The following WNT9A variants were observed in gnomAD, a reference collection of about 807,000 sequenced individuals.
WNT9A encodes the protein Wnt family member 9A.
Under a neutral mutation model 31.4 loss-of-function variants are expected in WNT9A, and 8 were observed. The observed-to-expected ratio is 0.26, with a 90% confidence interval of 0.15 to 0.46. The LOEUF is 0.46. Among genes scored for constraint, WNT9A ranks in the 20% least tolerant of loss-of-function variants. WNT9A has a pLI of 0.99. For synonymous variants in WNT9A, 236 were observed against 220.1 expected, an observed-to-expected ratio of 1.07 and a Z score of -0.64; for missense variants, 457 against 522.9, an observed-to-expected ratio of 0.87 and a Z score of 1.23.
chr1:227,941,892 GGC>G (rs1666713701), intron 1 of WNT9A, among the ~76,000 whole-genome samples: 1 of 152,102 alleles, frequency 6.6e-6, no homozygotes, highest in African/African-American at 2.4e-5. Flanking sequence ...GGGATCAGGT[GGC>G]GCGACCGAGG....
At position 227,921,708 on chromosome 1, in the gene WNT9A, C is replaced by T. The variant is rs779949422; in HGVS notation, c.908G>A (p.Arg303His). 5.6e-6 allele frequency: 9 copies of T among 1,612,560 alleles called. No individual in the cohort carries two copies. Among genetic ancestry groups the T allele is most frequent in the Middle Eastern group, 1.6e-4 (1 of 6,084 alleles). ...DDSPSFCLAG[R>H]FSPGTAGRRC... ...ACGGCCAGCGGTGCCCGGGGAGAAG[C>T]GGCCAGCCAGGCAGAAGCTAGGCGA... Residue 303 changes from arginine (R) to histidine (H), a missense_variant, in exon 4 of 4, where the codon CGC (arginine) becomes CAC (histidine). By Grantham distance (29) the Arg-to-His change is conservative. Coordinates refer to ENST00000272164, the MANE Select transcript of WNT9A (RefSeq NM_003395.4).
rs776780904 is a variant in WNT9A, at chr1:227,926,974, G to A, written c.96-1455C>T. 2.0e-4 allele frequency among the ~76,000 whole-genome samples: 31 copies of A among 152,066 alleles called. No homozygotes were observed. Among genetic ancestry groups the A allele is most frequent in the Non-Finnish European group, 3.5e-4 (24 of 68,004 alleles). On this transcript the variant is annotated intron_variant, in intron 1 of 3. Coordinates refer to ENST00000272164, the MANE Select transcript of WNT9A (RefSeq NM_003395.4). The surrounding 1 kb of genome is among the most constrained non-coding windows in gnomAD (Gnocchi z 5.0). ...GGGCCACAGGCGCAGGCCACAGAAGGAGCAGGTAGTGGCCCCAGGAAGGAT... is the reference window on the plus strand; with the variant it reads ...GGGCCACAGGCGCAGGCCACAGAAGAAGCAGGTAGTGGCCCCAGGAAGGAT...
At chr1:227,944,054 C>A (rs1435396474) in intron 1 of WNT9A, among the ~76,000 whole-genome samples, 1 of 151,702 alleles carries the variant, frequency 6.6e-6, no homozygotes, top group Non-Finnish European at 1.5e-5. Context: ...GAACTGAAAA[C>A]ACACACACAC....
In WNT9A at chr1:227,925,615, T is replaced by C. The variant is rs1666409212; in HGVS notation, c.96-96A>G. 1 of 1,416,816 alleles carries C rather than the reference T, an allele frequency of 7.1e-7. No individual in the cohort carries two copies. Among genetic ancestry groups the C allele is most frequent in the East Asian group, 2.6e-5 (1 of 38,710 alleles). The allele number at this position is 1,416,816 out of a possible 1,614,324, so 87.8% of individuals were successfully genotyped here. On this transcript the variant is annotated intron_variant, in intron 1 of 3. Transcript: ENST00000272164. This position sits in a 1 kb window ranked among gnomAD's most constrained non-coding sequence, Gnocchi z 6.0. ...GGCCAGGGTACAGGGGACAGGCGTG[T>C]CCATCCGGGGGTGAGGGGGCAGAAA...
chr1:227,939,845 G>T (rs1378438457), intron 1 of WNT9A, among the ~76,000 whole-genome samples: 2 of 152,200 alleles, frequency 1.3e-5, no homozygotes, highest in East Asian at 3.9e-4. Flanking sequence ...GAGAAACCGG[G>T]GCTGAGATCA....
Position 227,921,380 on chromosome 1 carries a change from A to C in WNT9A, c.*138T>G. ...ACTCAGCCCATGCAGGTGTAGACCCATTCACACTGTGTGCAATGCCTGTAC... is the reference window on the plus strand; with the variant it reads ...ACTCAGCCCATGCAGGTGTAGACCCCTTCACACTGTGTGCAATGCCTGTAC... On this transcript the variant is annotated 3_prime_UTR_variant, in exon 4 of 4. Transcript: ENST00000272164. 1 of 1,378,900 alleles carries C rather than the reference A, an allele frequency of 7.3e-7. No individual in the cohort carries two copies. Among genetic ancestry groups the C allele is most frequent in the Non-Finnish European group, 9.8e-7 (1 of 1,022,130 alleles). The allele number at this position is 1,378,900 out of a possible 1,614,324, so 85.4% of individuals were successfully genotyped here. A position where few individuals can be genotyped will look rare whatever the true frequency, so the allele number is the denominator to read the frequency against.
intron 1 of WNT9A, among the ~76,000 whole-genome samples, chr1:227,929,826 G>C (rs1660286672): frequency 1.3e-5 from 2 of 152,054 alleles, no homozygotes; most frequent in South Asian, 4.2e-4. Flanking sequence ...AAATAAAAGG[G>C]ACCCTAGAGA....
intron 3 of WNT9A, among the ~76,000 whole-genome samples, chr1:227,922,517 A>G (rs1202075359): frequency 6.6e-6 from 1 of 151,952 alleles, no homozygotes; most frequent in Non-Finnish European, 1.5e-5. Context: ...CCCCCAACCC[A>G]CCGGTGCTGA....
rs139988605 is a variant in WNT9A at position 227,919,156 on chromosome 1, C to T, written c.*2362G>A. The T allele has an allele frequency of 6.6e-6, 1 of 152,368 alleles. No individual in the cohort carries two copies. The highest frequency in any genetic ancestry group is 2.4e-5 in the African/African-American group (1 of 41,596). 9.4% of individuals were successfully genotyped at this position (152,368 alleles called of 1,614,324 possible). On this transcript the variant is annotated 3_prime_UTR_variant, in exon 4 of 4. Coordinates refer to ENST00000272164, the MANE Select transcript of WNT9A (RefSeq NM_003395.4). ...TTTGATTAAAAATAAAAACCTTCCT[C>T]TGACTTGACGCCCTTCATAGACCCA...
At chr1:227,939,017 C>T (rs1240541280) in intron 1 of WNT9A, among the ~76,000 whole-genome samples, 2 of 152,184 alleles carry the variant, frequency 1.3e-5, no homozygotes, top group Admixed American at 6.5e-5. Context: ...CGGATGACGA[C>T]GGCTCCACGG....
chr1:227,929,547 C>T (rs1219745953), intron 1 of WNT9A, among the ~76,000 whole-genome samples: 7 of 152,222 alleles, frequency 4.6e-5, no homozygotes, highest in Admixed American at 3.3e-4. Flanking sequence ...TCCTTACGGA[C>T]CCCAGGCTGG....
chr1:227,935,491 C>T (rs1666580434), intron 1 of WNT9A, among the ~76,000 whole-genome samples: 1 of 152,232 alleles, frequency 6.6e-6, no homozygotes, highest in Non-Finnish European at 1.5e-5. Flanking sequence ...TCGAGATTCC[C>T]TCTGTGCCCT....
rs12022403 is a variant in WNT9A, at chr1:227,919,692, C to T, written c.*1826G>A. On this transcript the variant is annotated 3_prime_UTR_variant, in exon 4 of 4. Transcript: ENST00000272164. ...CAAGCTGACCATGCCAGTATACACACACACACACACACACACACACACACA... is the reference window on the plus strand; with the variant it reads ...CAAGCTGACCATGCCAGTATACACATACACACACACACACACACACACACA... 318 of 14,150 alleles carry T rather than the reference C, an allele frequency of 0.022. 2 individuals are homozygous for T. The highest frequency in any genetic ancestry group is 0.069 in the East Asian group (23 of 334). The allele number at this position is 14,150 out of a possible 1,614,324, so 0.9% of individuals were successfully genotyped here.
rs12726048 is a variant in WNT9A at position 227,919,435 on chromosome 1, G to A, written c.*2083C>T. Reference sequence around the variant, plus strand: ...TTCTTATGTACTATAACACAGGGACGGCAGAGACCCACAGCAACATAAATA... The same window carrying A: ...TTCTTATGTACTATAACACAGGGACAGCAGAGACCCACAGCAACATAAATA... On this transcript the variant is annotated 3_prime_UTR_variant, in exon 4 of 4. Coordinates refer to ENST00000272164, the MANE Select transcript of WNT9A (RefSeq NM_003395.4). 15,456 of 152,170 alleles carry A rather than the reference G, an allele frequency of 0.1. 882 individuals carry two copies. Among genetic ancestry groups the A allele is most frequent in the South Asian group, 0.15 (709 of 4,816 alleles). The allele number at this position is 152,170 out of a possible 1,614,324, so 9.4% of individuals were successfully genotyped here. A position where few individuals can be genotyped will look rare whatever the true frequency, so the allele number is the denominator to read the frequency against.
chr1:227,924,085 C>CCCCCCCCCCCCTTTT, intron 3 of WNT9A, 53 bp downstream of exon 3: 7 of 1,063,498 alleles, frequency 6.6e-6, no homozygotes, highest in South Asian at 3.3e-5. Context: ...CCCCAACCCC[C>CCCCCCCCCCCCTTTT]TGACGCTCTT....
At chr1:227,939,817 A>C (rs917611112) in intron 1 of WNT9A, among the ~76,000 whole-genome samples, 20 of 152,312 alleles carry the variant, frequency 1.3e-4, no homozygotes, top group African/African-American at 4.3e-4. Flanking sequence ...AAACAAAATC[A>C]AAACAAATTC....
intron 3 of WNT9A, among the ~76,000 whole-genome samples, chr1:227,923,784 G>A (rs544911301): frequency 2.0e-4 from 31 of 152,226 alleles, no homozygotes; most frequent in Middle Eastern, 6.8e-3. Flanking sequence ...CTGACAGGTG[G>A]GGCCCACAGT....
chr1:227,943,978 C>T (rs1020149096), intron 1 of WNT9A, among the ~76,000 whole-genome samples: 3 of 152,064 alleles, frequency 2.0e-5, no homozygotes, highest in African/African-American at 4.8e-5. Flanking sequence ...AAGACTCTGT[C>T]TCAATAAAAC....
Position 227,930,324 on chromosome 1 carries a change from T to C in WNT9A, c.96-4805A>G, listed in dbSNP as rs536354451. On this transcript the variant is annotated intron_variant, in intron 1 of 3. Coordinates refer to ENST00000272164, the MANE Select transcript of WNT9A (RefSeq NM_003395.4). ...AGCAGGGGCTGCATGTGCATGCGCGTTTGTGGCTGCACCGGACCAAGCAAA... is the reference window on the plus strand; with the variant it reads ...AGCAGGGGCTGCATGTGCATGCGCGCTTGTGGCTGCACCGGACCAAGCAAA... Among the ~76,000 whole-genome samples the C allele has an allele frequency of 7.0e-3, 1,058 of 152,132 alleles. 16 individuals are homozygous for C. Among genetic ancestry groups the C allele is most frequent in the African/African-American group, 0.025 (1,021 of 41,494 alleles).
Sources: gnomAD v4.1 joint callset for allele counts (sites outside exome capture counted in the v4.1 genomes callset) on GRCh38, gnomAD v4.1.1 for gene constraint, Gnocchi (gnomAD v3.1) non-coding constraint, MANE v1.5 for transcripts, NCBI Gene and HGNC (gene_info 2026-07-23, HGNC 2026-07-21) for gene names.